Variants in HMCN1 observed in about 807,000 individuals in gnomAD.
The protein encoded by HMCN1 is hemicentin 1.
HMCN1 carries 321 observed loss-of-function variants against 625.9 expected under a neutral mutation model. The observed-to-expected ratio is 0.51, with a 90% CI of 0.47 to 0.56. The LOEUF is 0.56. Among genes scored for constraint, HMCN1 ranks in the 20% least tolerant of loss-of-function variants. HMCN1 has a pLI of 0.00. For missense variants in HMCN1, 6,588 were observed against 6,887.3 expected (o/e 0.96, Z 1.54); for synonymous variants, 2,425 against 2,417.6 (o/e 1.00, Z -0.09).
chr1:185,758,655 A>G (rs921893045), intron 1 of HMCN1, among the ~76,000 whole-genome samples: 2 of 150,654 alleles, frequency 1.3e-5, no homozygotes, highest in African/African-American at 2.5e-5. Context: ...AACAAACACA[A>G]AAAACTAGAA....
chr1:186,081,255 C>T lies in HMCN1; in HGVS notation c.8648C>T (p.Thr2883Ile), dbSNP rs1659150948. 1 of 1,613,818 alleles carries T rather than the reference C, an allele frequency of 6.2e-7. No individual in the cohort carries two copies. Among genetic ancestry groups the T allele is most frequent in the African/African-American group, 1.3e-5 (1 of 75,016 alleles). Residue 2883 changes from threonine (T) to isoleucine (I), a missense_variant, in exon 56 of 107, where the codon ACC (threonine) becomes ATC (isoleucine). Thr to Ile is a moderately conservative substitution (Grantham distance 89, BLOSUM62 -1). This residue lies in a region of HMCN1 where 4,628 missense variants were observed against 4,853.1 expected (regional missense o/e 0.95). Coordinates refer to ENST00000271588, the MANE Select transcript of HMCN1 (RefSeq NM_031935.3). ...AATAGTGATCTCCCTGAAGAGGTCA[C>T]CGTGCTGGTGAACAAGAGTGCACTG... ...GANSDLPEEV[T>I]VLVNKSALIE...
intron 1 of HMCN1, among the ~76,000 whole-genome samples, chr1:185,801,645 G>T (rs1030687617): frequency 6.6e-6 from 1 of 152,202 alleles, no homozygotes; most frequent in African/African-American, 2.4e-5. Flanking sequence ...TTCCTAAGGG[G>T]AGTGAAGACT....
intron 6 of HMCN1, among the ~76,000 whole-genome samples, chr1:185,912,109 G>A (rs967175963): frequency 6.6e-6 from 1 of 152,172 alleles, no homozygotes. Flanking sequence ...AACGGTTAGA[G>A]CCATAGGCTC....
intron 33 of HMCN1, among the ~76,000 whole-genome samples, chr1:186,017,699 T>C (rs1571722795): frequency 6.6e-6 from 1 of 152,042 alleles, no homozygotes; most frequent in Non-Finnish European, 1.5e-5. Flanking sequence ...TTTAAGATTG[T>C]GTATGTTTTG....
At chr1:186,053,745 A>G in intron 43 of HMCN1, 80 bp from the exon 44 acceptor site, 2 of 1,436,432 alleles carry the variant, frequency 1.4e-6, no homozygotes, top group Non-Finnish European at 2.0e-6. Flanking sequence ...TGAACTGAAT[A>G]AACAAATGTC....
At chr1:185,871,363 T>C (rs1328656657) in intron 4 of HMCN1, among the ~76,000 whole-genome samples, 1 of 152,196 alleles carries the variant, frequency 6.6e-6, no homozygotes, top group Non-Finnish European at 1.5e-5. Flanking sequence ...ACTAACGCTC[T>C]GGGACCATGG....
intron 17 of HMCN1, among the ~76,000 whole-genome samples, 187 bp from the exon 18 acceptor site, chr1:185,982,075 A>G (rs1236972865): frequency 6.6e-6 from 1 of 152,092 alleles, no homozygotes; most frequent in East Asian, 1.9e-4. Flanking sequence ...GTCCTTTTGC[A>G]TTCCCCCTAC....
At position 186,125,586 on chromosome 1, in the gene HMCN1, T is replaced by C. The variant is rs1661602247; in HGVS notation, c.12500-18T>C. The C allele has an allele frequency of 6.2e-7, 1 of 1,601,822 alleles. No homozygotes were observed. The highest frequency in any genetic ancestry group is 2.2e-5 in the East Asian group (1 of 44,806). On this transcript the variant is annotated intron_variant, in intron 81 of 106. Coordinates refer to ENST00000271588, the MANE Select transcript of HMCN1 (RefSeq NM_031935.3). ...TGAACTCAGCTTCCTGGATGACTCT[T>C]TTTTAAACTCTTCATAGTACCACCC...
chr1:186,153,920 T>G lies in HMCN1; in HGVS notation c.15189T>G (p.Ser5063=), dbSNP rs978134981. The G allele has an allele frequency of 1.9e-6, 3 of 1,614,156 alleles. No homozygotes were observed. Among genetic ancestry groups the G allele is most frequent in the Non-Finnish European group, 2.5e-6 (3 of 1,180,002 alleles). Residue 5063 remains serine (S), a synonymous_variant, in exon 97 of 107, where the codon TCT becomes TCG. Coordinates refer to ENST00000271588, the MANE Select transcript of HMCN1 (RefSeq NM_031935.3). Reference sequence around the variant, plus strand: ...TGGTTGAAACACTTCATGCATCCTCTGTGGAATCTGACTATAACCAGATAG... The same window carrying G: ...TGGTTGAAACACTTCATGCATCCTCGGTGGAATCTGACTATAACCAGATAG... ...PFLVETLHAS[S]VESDYNQIEE... is the part of the protein sequence containing the mutation.
chr1:185,895,434 T>A (rs1379051207), intron 4 of HMCN1, among the ~76,000 whole-genome samples: 14 of 152,206 alleles, frequency 9.2e-5, no homozygotes, highest in Admixed American at 9.2e-4. Flanking sequence ...GGCCAAGACA[T>A]TTGGTCTCTT....
chr1:185,859,292 A>C (rs1488100956), intron 2 of HMCN1, among the ~76,000 whole-genome samples: 1 of 152,162 alleles, frequency 6.6e-6, no homozygotes, highest in Non-Finnish European at 1.5e-5. Context: ...TGAAAGACTT[A>C]ATCAAAGCAA....
rs1261852356 is a variant in HMCN1, at chr1:186,120,071, A to T, written c.12155A>T (p.Asp4052Val). Residue 4052 changes from aspartate (D) to valine (V), a missense_variant, in exon 80 of 107, where the codon GAT becomes GTT. By Grantham distance (152) the Asp-to-Val change is radical (BLOSUM62 -3). Around this residue, in one of 3 missense-constraint regions of HMCN1, gnomAD observed 1,954 missense variants for 2,013.1 expected, o/e 0.97. Coordinates refer to ENST00000271588, the MANE Select transcript of HMCN1 (RefSeq NM_031935.3). ...GLQISRAVREDAGTYMCVAQN... is the reference protein window; with the variant it reads ...GLQISRAVREVAGTYMCVAQN... ...CAGATCTCCAGAGCTGTCCGAGAGG[A>T]TGCTGGCACTTACATGTGTGTGGCC... The T allele has an allele frequency of 1.2e-6, 2 of 1,613,996 alleles. No individual in the cohort carries two copies. The highest frequency in any genetic ancestry group is 1.7e-6 in the Non-Finnish European group (2 of 1,179,976).
At chr1:185,749,647 G>T (rs1654659757) in intron 1 of HMCN1, among the ~76,000 whole-genome samples, 1 of 151,934 alleles carries the variant, frequency 6.6e-6, no homozygotes, top group African/African-American at 2.4e-5. Flanking sequence ...AAGTTATTTT[G>T]GCTCTGCCTT....
intron 96 of HMCN1, among the ~76,000 whole-genome samples, chr1:186,153,073 C>G (rs1477370779): frequency 2.0e-5 from 3 of 152,206 alleles, no homozygotes; most frequent in African/African-American, 7.2e-5. Flanking sequence ...ACCACCCTCC[C>G]TATCAGGACC....
At chr1:186,129,890 G>A in intron 83 of HMCN1, 76 bp from the exon 84 acceptor site, 4 of 1,569,742 alleles carry the variant, frequency 2.5e-6, no homozygotes, top group Non-Finnish European at 3.5e-6. Flanking sequence ...TAAATCTAAT[G>A]TGCAAAATAC....
intron 21 of HMCN1, among the ~76,000 whole-genome samples, 164 bp downstream of exon 21, chr1:185,989,811 A>G (rs1435680928): frequency 2.3e-5 from 3 of 129,610 alleles, no homozygotes; most frequent in African/African-American, 8.7e-5. Context: ...TGCATTTTTT[A>G]CTGCCAACCA....
In HMCN1 at chr1:186,048,834, T is replaced by A. The variant is rs1656753775; in HGVS notation, c.6572T>A (p.Ile2191Asn). 1 of 1,599,470 alleles carries A rather than the reference T, an allele frequency of 6.3e-7. No homozygotes were observed. The highest frequency in any genetic ancestry group is 2.2e-5 in the East Asian group (1 of 44,692). The change falls in exon 42 of 107, where the codon ATT becomes AAT. Residue 2191 changes from isoleucine (I) to asparagine (N), a missense_variant. Ile to Asn is a moderately radical substitution (Grantham distance 149, BLOSUM62 -3). Around this residue, in one of 3 missense-constraint regions of HMCN1, gnomAD observed 4,628 missense variants for 4,853.1 expected, o/e 0.95. Coordinates refer to ENST00000271588, the MANE Select transcript of HMCN1 (RefSeq NM_031935.3). The part of the protein sequence containing the change: ...GKTEKNYNVN[I>N]WVPPNIGGSD... ...ACTGAAAAAAACTACAATGTCAACA[T>A]TTGGGGTAAGTGTAATCAGCTCTTG...
chr1:186,173,899 G>A (rs1160864621), intron 102 of HMCN1, among the ~76,000 whole-genome samples: 4 of 152,170 alleles, frequency 2.6e-5, no homozygotes, highest in South Asian at 2.1e-4. Context: ...GAGAGAATAA[G>A]TTAAAGATGA....
At chr1:185,933,891 T>A in intron 11 of HMCN1, 67 bp downstream of exon 11, 1 of 1,443,752 alleles carries the variant, frequency 6.9e-7, no homozygotes, top group East Asian at 2.3e-5. Context: ...ATTTTTGTCC[T>A]CCCAAGTTGG....
Sources: gnomAD v4.1 joint callset for allele counts (sites outside exome capture counted in the v4.1 genomes callset) on GRCh38, gnomAD v4.1.1 for gene constraint, gnomAD v4.1.1 regional missense constraint, MANE v1.5 for transcripts, NCBI Gene and HGNC (gene_info 2026-07-23, HGNC 2026-07-21) for gene names.